ITPR3: variants seen among roughly 807,000 people sequenced by gnomAD.
ITPR3 encodes the protein inositol 1,4,5-trisphosphate-gated calcium channel ITPR3.
Under a neutral mutation model 293.2 loss-of-function variants are expected in ITPR3, and 173 were observed. The ratio of observed to expected loss-of-function variants is 0.59; its 90% CI spans 0.52 to 0.67. The LOEUF is 0.67. Among genes scored for constraint, ITPR3 ranks in the 30% least tolerant of loss-of-function variants. The pLI, the probability that ITPR3 is intolerant of heterozygous loss-of-function variation, is 0.00. For synonymous variants in ITPR3, 1,295 were observed against 1,444.4 expected, an observed-to-expected ratio of 0.90 and a Z score of 2.35; for missense variants, 2,796 against 3,592.1, an observed-to-expected ratio of 0.78 and a Z score of 5.66.
intron 27 of ITPR3, 63 bp downstream of exon 27, chr6:33,677,152 T>A: frequency 6.9e-7 from 1 of 1,459,006 alleles, no homozygotes; most frequent in Non-Finnish European, 9.6e-7. Context: ...GGGCTCCCGC[T>A]GGCCCGGCCC....
At chr6:33,661,969 T>C (rs1387339378) in intron 7 of ITPR3, among the ~76,000 whole-genome samples, 1 of 116,976 alleles carries the variant, frequency 8.5e-6, no homozygotes, top group African/African-American at 3.3e-5. Flanking sequence ...CACTCCATCC[T>C]GGGCAACAGA....
rs1206382980 is a variant in ITPR3, at chr6:33,624,905, G to T, written c.89+3214G>T. On this transcript the variant is annotated intron_variant, in intron 1 of 57. Transcript: ENST00000605930. This position sits in a 1 kb window ranked among gnomAD's most constrained non-coding sequence, Gnocchi z 4.7. ...ACGAGGCCAATTAGAGCCTCCTGGA[G>T]AATTAGAGGTCCTAGTGAAGATTGT... Among the ~76,000 whole-genome samples, 7 of 152,220 alleles carry T rather than the reference G, an allele frequency of 4.6e-5. No individual in the cohort carries two copies. Among genetic ancestry groups the T allele is most frequent in the African/African-American group, 1.7e-4 (7 of 41,460 alleles).
Position 33,675,618 on chromosome 6 carries a change from G to T in ITPR3, c.3117-73G>T. The T allele has an allele frequency of 6.7e-7, 1 of 1,482,598 alleles. No homozygotes were observed. The highest frequency in any genetic ancestry group is 9.0e-7 in the Non-Finnish European group (1 of 1,109,518). The allele number at this position is 1,482,598 out of a possible 1,614,324, so 91.8% of individuals were successfully genotyped here. A position where few individuals can be genotyped will look rare whatever the true frequency, so the allele number is the denominator to read the frequency against. On this transcript the variant is annotated intron_variant, in intron 24 of 57. Coordinates refer to ENST00000605930, the MANE Select transcript of ITPR3 (RefSeq NM_002224.4). This position sits in a 1 kb window ranked among gnomAD's most constrained non-coding sequence, Gnocchi z 5.0. ...GTGGCGGAGAGTGTGCTTGTGCCAG[G>T]GCCCCTTACCCACCACGGACAGCAG...
intron 42 of ITPR3, 54 bp downstream of exon 42, chr6:33,686,307 G>A: frequency 6.2e-7 from 1 of 1,601,190 alleles, no homozygotes; most frequent in South Asian, 1.1e-5. Flanking sequence ...TGGACATGTG[G>A]GTAGATGGAG....
At chr6:33,628,539 G>A (rs1763600013) in intron 1 of ITPR3, among the ~76,000 whole-genome samples, 1 of 152,234 alleles carries the variant, frequency 6.6e-6, no homozygotes, top group African/African-American at 2.4e-5. Flanking sequence ...GCTAGGGACT[G>A]TGAGAGAAAT....
chr6:33,685,674 C>T lies in ITPR3; in HGVS notation c.5514C>T (p.Ser1838=). The T allele has an allele frequency of 6.3e-7, 1 of 1,595,136 alleles. No homozygotes were observed. The highest frequency in any genetic ancestry group is 8.6e-7 in the Non-Finnish European group (1 of 1,168,664). The change falls in exon 41 of 58, where the codon TCC becomes TCT. Residue 1838 remains serine, a synonymous_variant. Transcript: ENST00000605930. ...GRVASFSIPG[S]SSRYSLGPSL... is the part of the protein sequence containing the mutation. Reference sequence around the variant, plus strand: ...TGGCCTCCTTCTCGATACCTGGCTCCTCATCCCGCTACTCGCTGGGCCCCA... The same window carrying T: ...TGGCCTCCTTCTCGATACCTGGCTCTTCATCCCGCTACTCGCTGGGCCCCA...
rs1298623595 is a variant in ITPR3, at chr6:33,664,984, G to C, written c.1248+15G>C. ...TCCGGCTCATGGTGCGTGTCCCTGG[G>C]GTGGGGGTGGGGCTGGGGCCAGGGC... On this transcript the variant is annotated intron_variant, in intron 12 of 57. Transcript: ENST00000605930. This position sits in a 1 kb window ranked among gnomAD's most constrained non-coding sequence, Gnocchi z 4.4. The C allele has an allele frequency of 6.2e-7, 1 of 1,613,190 alleles. No individual in the cohort carries two copies.
intron 40 of ITPR3, 41 bp downstream of exon 40, chr6:33,685,574 C>T: frequency 6.2e-7 from 1 of 1,600,260 alleles, no homozygotes; most frequent in Non-Finnish European, 8.5e-7. Flanking sequence ...ACGGGGATCC[C>T]AGGATAAGAT....
intron 33 of ITPR3, among the ~76,000 whole-genome samples, chr6:33,681,904 G>T (rs114818703): frequency 0.1 from 15,053 of 151,206 alleles, 1,394 homozygotes; most frequent in African/African-American, 0.24. Context: ...TTTTTGAGAC[G>T]GAGTCTCACT....
chr6:33,663,097 C>A, intron 9 of ITPR3, 91 bp downstream of exon 9: 1 of 1,093,946 alleles, frequency 9.1e-7, no homozygotes, highest in Non-Finnish European at 1.4e-6. Context: ...GCATATGTGG[C>A]ACATGTGCCT....
At chr6:33,674,757 C>A (rs1485806220) in intron 24 of ITPR3, among the ~76,000 whole-genome samples, 1 of 152,206 alleles carries the variant, frequency 6.6e-6, no homozygotes, top group Non-Finnish European at 1.5e-5. Context: ...CAAAGGGAAC[C>A]AGTGGCTTGG....
chr6:33,682,790 T>C lies in ITPR3; in HGVS notation c.4597+146T>C. The C allele has an allele frequency of 9.3e-7, 1 of 1,075,360 alleles. No homozygotes were observed. Among genetic ancestry groups the C allele is most frequent in the South Asian group, 1.9e-5 (1 of 53,872 alleles). The allele number at this position is 1,075,360 out of a possible 1,614,324, so 66.6% of individuals were successfully genotyped here. A position where few individuals can be genotyped will look rare whatever the true frequency, so the allele number is the denominator to read the frequency against. On this transcript the variant is annotated intron_variant, in intron 34 of 57. Transcript: ENST00000605930. The surrounding 1 kb of genome is among the most constrained non-coding windows in gnomAD (Gnocchi z 5.4). The stretch of plus-strand genomic sequence containing the variant: ...TTGTCAGTAAGTTCTTCTTGGCGTC[T>C]GCCTCATCCTGGCAATTGAGAGAAG...
intron 1 of ITPR3, among the ~76,000 whole-genome samples, chr6:33,628,500 TGAGAA>T (rs1024676675): frequency 1.3e-5 from 2 of 152,210 alleles, no homozygotes; most frequent in Admixed American, 6.5e-5. Context: ...AGCAGGGGAC[TGAGAA>T]GAGAAGTTTG....
chr6:33,691,580 G>A lies in ITPR3; in HGVS notation c.7226-35G>A, dbSNP rs771210456. ...GAGCCAGGGGATAAGGCCAGGCACT[G>A]GACCTCCTGATGATCTCATCCATAT... On this transcript the variant is annotated intron_variant, in intron 52 of 57. Coordinates refer to ENST00000605930, the MANE Select transcript of ITPR3 (RefSeq NM_002224.4). This position sits in a 1 kb window ranked among gnomAD's most constrained non-coding sequence, Gnocchi z 4.9. 46 of 1,570,354 alleles carry A rather than the reference G, an allele frequency of 2.9e-5. No individual in the cohort carries two copies. The highest frequency in any genetic ancestry group is 3.7e-5 in the Non-Finnish European group (42 of 1,141,568).
chr6:33,627,197 A>G (rs1763566713), intron 1 of ITPR3, among the ~76,000 whole-genome samples: 1 of 151,960 alleles, frequency 6.6e-6, no homozygotes, highest in Non-Finnish European at 1.5e-5. Flanking sequence ...AGCCTAATCC[A>G]TGCAACTCAT....
Position 33,693,535 on chromosome 6 carries a change from G to A in ITPR3, c.7625-10G>A, listed in dbSNP as rs202042613. 15 of 1,613,332 alleles carry A rather than the reference G, an allele frequency of 9.3e-6. No homozygotes were observed. The highest frequency in any genetic ancestry group is 2.2e-5 in the East Asian group (1 of 44,844). ...GCTGATGGTTTCATTCCCGCCCTCT[G>A]CACCCTCAGGTCTGGAGAGGGACAA... On this transcript the variant is annotated splice_polypyrimidine_tract_variant and intron_variant, in intron 55 of 57. Coordinates refer to ENST00000605930, the MANE Select transcript of ITPR3 (RefSeq NM_002224.4).
chr6:33,685,564 A>T, intron 40 of ITPR3, 31 bp downstream of exon 40: 2 of 1,603,478 alleles, frequency 1.2e-6, no homozygotes, highest in Non-Finnish European at 1.7e-6. Flanking sequence ...GCACGGCGTG[A>T]CGGGGATCCC....
intron 41 of ITPR3, 40 bp from the exon 42 acceptor site, chr6:33,686,013 G>C (rs747871339): frequency 1.2e-6 from 2 of 1,607,184 alleles, no homozygotes; most frequent in Non-Finnish European, 1.7e-6. Flanking sequence ...CCCTCTCCGT[G>C]CTGTAGCTGT....
At chr6:33,663,654 G>T in intron 10 of ITPR3, 84 bp from the exon 11 acceptor site, 7 of 1,604,718 alleles carry the variant, frequency 4.4e-6, no homozygotes, top group Middle Eastern at 1.7e-4. Context: ...GAGGGAGACA[G>T]ATGGGATCTC....
Sources: gnomAD v4.1 joint callset for allele counts (sites outside exome capture counted in the v4.1 genomes callset) on GRCh38, gnomAD v4.1.1 for gene constraint, Gnocchi (gnomAD v3.1) non-coding constraint, MANE v1.5 for transcripts, NCBI Gene and HGNC (gene_info 2026-07-23, HGNC 2026-07-21) for gene names.